Variants in MGAT4C observed in about 807,000 individuals in gnomAD.
MGAT4C encodes the protein alpha-1,3-mannosyl-glycoprotein 4-beta-N-acetylglucosaminyltransferase C.
In MGAT4C, 19 loss-of-function variants were observed where a neutral mutation model predicts 40.1. That is an observed-to-expected ratio of 0.47 (90% CI 0.33 to 0.70). The LOEUF (loss-of-function observed/expected upper bound fraction) is 0.70. Ranked by LOEUF, MGAT4C falls within the 30% of genes least tolerant of loss-of-function variation. MGAT4C has a pLI of 0.02. For missense variants in MGAT4C, 491 were observed against 563.2 expected, an observed-to-expected ratio of 0.87 and a Z score of 1.30; for synonymous variants, 181 against 187.1, an observed-to-expected ratio of 0.97 and a Z score of 0.27.
intron 1 of MGAT4C, among the ~76,000 whole-genome samples, chr12:86,062,582 A>G (rs372481293): frequency 6.6e-6 from 1 of 152,114 alleles, no homozygotes; most frequent in East Asian, 1.9e-4. Context: ...AACTCCTGCA[A>G]GCTAAAGGAG....
At chr12:86,655,627 C>T (rs956690017) in intron 2 of MGAT4C, among the ~76,000 whole-genome samples, 3 of 152,106 alleles carry the variant, frequency 2.0e-5, no homozygotes, top group African/African-American at 7.2e-5. Flanking sequence ...CATGCTGCCA[C>T]TGAAGTAAAA....
intron 2 of MGAT4C, among the ~76,000 whole-genome samples, chr12:86,603,767 T>C (rs1473113145): frequency 9.2e-6 from 1 of 108,908 alleles, no homozygotes; most frequent in African/African-American, 3.4e-5. Flanking sequence ...ATATATAGTA[T>C]AATTATATAT....
chr12:86,686,154 C>T (rs1950069048), intron 2 of MGAT4C, among the ~76,000 whole-genome samples: 1 of 152,000 alleles, frequency 6.6e-6, no homozygotes, highest in African/African-American at 2.4e-5. Flanking sequence ...GCTGGGATTA[C>T]AGGGGTGAGC....
At chr12:86,231,614 C>T (rs935592436) in intron 1 of MGAT4C, among the ~76,000 whole-genome samples, 3 of 152,060 alleles carry the variant, frequency 2.0e-5, no homozygotes, top group Non-Finnish European at 4.4e-5. Flanking sequence ...TTGAATTCCT[C>T]TGAACATATA....
chr12:86,738,682 C>A (rs1243163668), intron 1 of MGAT4C, among the ~76,000 whole-genome samples: 1 of 151,244 alleles, frequency 6.6e-6, no homozygotes, highest in Admixed American at 6.6e-5. Context: ...TGTATCAATA[C>A]AATTTCAGGA....
At chr12:86,674,748 T>C (rs1964348510) in intron 2 of MGAT4C, among the ~76,000 whole-genome samples, 1 of 152,258 alleles carries the variant, frequency 6.6e-6, no homozygotes, top group African/African-American at 2.4e-5. Context: ...TCTGGTCTAA[T>C]CATCCAATGC....
intron 1 of MGAT4C, among the ~76,000 whole-genome samples, chr12:86,815,263 GATCAGGGAAATGCAA>G: frequency 6.6e-6 from 1 of 151,866 alleles, no homozygotes; most frequent in Non-Finnish European, 1.5e-5. Context: ...CATCACTAAT[GATCAGGGAAATGCAA>G]ATCAAAACCA....
At chr12:86,157,181 A>AT (rs1885050023) in intron 1 of MGAT4C, among the ~76,000 whole-genome samples, 5 of 152,042 alleles carry the variant, frequency 3.3e-5, no homozygotes, top group African/African-American at 1.2e-4. Context: ...ATACATTTAT[A>AT]ATTTTTTTTA....
At chr12:86,459,370 T>A (rs1256988897) in intron 2 of MGAT4C, among the ~76,000 whole-genome samples, 2 of 151,774 alleles carry the variant, frequency 1.3e-5, no homozygotes, top group South Asian at 4.2e-4. Flanking sequence ...GGAGCCTATA[T>A]TGGGTGGGTG....
intron 1 of MGAT4C, among the ~76,000 whole-genome samples, chr12:86,105,528 A>G (rs1407187456): frequency 6.6e-6 from 1 of 152,178 alleles, no homozygotes; most frequent in Non-Finnish European, 1.5e-5. Flanking sequence ...ATTGTGCAGC[A>G]TCTATCTCAC....
chr12:86,485,423 C>T (rs1004508020), intron 2 of MGAT4C, among the ~76,000 whole-genome samples: 1 of 152,046 alleles, frequency 6.6e-6, no homozygotes, highest in Non-Finnish European at 1.5e-5. Context: ...AAAATCACTA[C>T]AAGAATTTCA....
At chr12:86,394,630 ATATATG>A (rs956238195) in intron 3 of MGAT4C, among the ~76,000 whole-genome samples, 7 of 143,458 alleles carry the variant, frequency 4.9e-5, no homozygotes, top group African/African-American at 1.8e-4. Context: ...ATATATATAT[ATATATG>A]TACTTTTTTT....
intron 3 of MGAT4C, among the ~76,000 whole-genome samples, chr12:86,363,856 A>T (rs1269217801): frequency 6.6e-6 from 1 of 152,024 alleles, no homozygotes; most frequent in Non-Finnish European, 1.5e-5. Flanking sequence ...ATATAAGAGG[A>T]TAAGAAGAAA....
chr12:86,394,328 A>G (rs1362946952), intron 3 of MGAT4C, among the ~76,000 whole-genome samples: 1 of 151,880 alleles, frequency 6.6e-6, no homozygotes, highest in Non-Finnish European at 1.5e-5. Context: ...AAAATAAGTT[A>G]TGTGAATATT....
At chr12:86,114,965 G>A (rs541830803) in intron 1 of MGAT4C, among the ~76,000 whole-genome samples, 5 of 151,870 alleles carry the variant, frequency 3.3e-5, no homozygotes, top group South Asian at 2.1e-4. Context: ...TGGAAATAGC[G>A]GACAACCTAA....
At chr12:86,047,360 T>C (rs1381276668) in intron 2 of MGAT4C, among the ~76,000 whole-genome samples, 1 of 152,092 alleles carries the variant, frequency 6.6e-6, no homozygotes, top group East Asian at 1.9e-4. Flanking sequence ...GAAAAACAAT[T>C]AAAATAAAAT....
intron 2 of MGAT4C, among the ~76,000 whole-genome samples, chr12:86,524,882 G>T (rs79146381): frequency 0.023 from 3,441 of 152,118 alleles, 62 homozygotes; most frequent in Middle Eastern, 0.048. Context: ...ATTGCATTAT[G>T]AAACTCTTAT....
intron 2 of MGAT4C, among the ~76,000 whole-genome samples, chr12:86,483,437 A>G (rs887045067): frequency 6.6e-6 from 1 of 152,114 alleles, no homozygotes; most frequent in African/African-American, 2.4e-5. Flanking sequence ...TTATAAACAT[A>G]TAATTAGATG....
intron 1 of MGAT4C, among the ~76,000 whole-genome samples, chr12:86,214,496 A>T (rs879653170): frequency 2.6e-4 from 40 of 152,344 alleles, no homozygotes; most frequent in Admixed American, 4.6e-4. Context: ...ACAGGGTGGC[A>T]TAACAATAAA....
Sources: allele counts gnomAD v4.1 joint callset (sites outside exome capture counted in the v4.1 genomes callset), GRCh38; gene constraint gnomAD v4.1.1; transcripts MANE v1.5; gene names NCBI Gene and HGNC (gene_info 2026-07-23, HGNC 2026-07-21).